The following WNT6 variants were observed in gnomAD, a reference collection of about 807,000 sequenced individuals.
The protein encoded by WNT6 is Wnt family member 6, also known as protein Wnt-6.
In WNT6, 27 loss-of-function variants were observed where a neutral mutation model predicts 33.1. The observed-to-expected ratio is 0.82, with a 90% CI of 0.60 to 1.12. The LOEUF (loss-of-function observed/expected upper bound fraction) is 1.12, where lower values mean the gene tolerates loss of function less well. Among genes scored for constraint, WNT6 ranks in the 50% most tolerant of loss-of-function variants. The probability of loss-of-function intolerance (pLI) is 0.00; values close to 1 mark genes in which losing one functional copy is unlikely to be tolerated. For missense variants in WNT6, 494 were observed against 535.3 expected, an observed-to-expected ratio of 0.92 and a Z score of 0.76; for synonymous variants, 249 against 242.8, an observed-to-expected ratio of 1.03 and a Z score of -0.24.
chr2:218,864,384 T>C (rs1044202838), intron 1 of WNT6, among the ~76,000 whole-genome samples: 2 of 152,076 alleles, frequency 1.3e-5, no homozygotes, highest in Non-Finnish European at 2.9e-5. Context: ...CTCAGCCTCC[T>C]GATTAGCCGG....
At chr2:218,868,998 T>C (rs1033520343) in intron 1 of WNT6, among the ~76,000 whole-genome samples, 2 of 152,140 alleles carry the variant, frequency 1.3e-5, no homozygotes, top group Non-Finnish European at 2.9e-5. Flanking sequence ...GATGGATCAA[T>C]AGAGACCGAT....
chr2:218,860,953 A>G (rs946462874), intron 1 of WNT6, among the ~76,000 whole-genome samples: 1 of 148,312 alleles, frequency 6.7e-6, no homozygotes, highest in East Asian at 2.3e-4. Context: ...TCCAGATCCA[A>G]AGGACTTTTT....
intron 1 of WNT6, among the ~76,000 whole-genome samples, chr2:218,861,393 G>A (rs2106001378): frequency 6.6e-6 from 1 of 152,190 alleles, no homozygotes; most frequent in East Asian, 1.9e-4. Context: ...TGTGATCTTG[G>A]GCTAGTCACT....
chr2:218,870,178 G>A (rs1004881621), intron 1 of WNT6, among the ~76,000 whole-genome samples: 2 of 149,864 alleles, frequency 1.3e-5, no homozygotes, highest in Non-Finnish European at 3.0e-5. Flanking sequence ...CTGGGAGCCC[G>A]CCACTGCACT....
chr2:218,860,022 C>T lies in WNT6; in HGVS notation c.-16C>T. 6.8e-7 allele frequency: 1 copy of T among 1,476,674 alleles called. No individual in the cohort carries two copies. The highest frequency in any genetic ancestry group is 8.9e-7 in the Non-Finnish European group (1 of 1,117,928). 91.5% of individuals were successfully genotyped at this position (1,476,674 alleles called of 1,614,324 possible). A position where few individuals can be genotyped will look rare whatever the true frequency, so the allele number is the denominator to read the frequency against. On this transcript the variant is annotated 5_prime_UTR_variant, in exon 1 of 4. Transcript: ENST00000233948. The stretch of plus-strand genomic sequence containing the variant: ...CCTCGCCCCCTGCCCACCCGGGCGG[C>T]CGTAGGGCGGTCACGATGCTGCCGC...
At chr2:218,866,206 G>C (rs1944353342) in intron 1 of WNT6, among the ~76,000 whole-genome samples, 1 of 152,274 alleles carries the variant, frequency 6.6e-6, no homozygotes, top group South Asian at 2.1e-4. Context: ...CTGCTGGCTT[G>C]TGGGAGGTGG....
Position 218,873,557 on chromosome 2 carries a change from G to T in WNT6, c.810G>T (p.Leu270=). Residue 270 remains leucine (L), a synonymous_variant, in exon 4 of 4, where the codon CTG becomes CTT. Transcript: ENST00000233948. This position sits in a 1 kb window ranked among gnomAD's most constrained non-coding sequence, Gnocchi z 6.1. ...GCACCAACGACGGCAAGGCCCTGCT[G>T]CCCGCCGTCCGCACGCTCAAGCCGC... ...VMGTNDGKAL[L]PAVRTLKPPG... 2 of 1,537,686 alleles carry T rather than the reference G, an allele frequency of 1.3e-6. No homozygotes were observed. Among genetic ancestry groups the T allele is most frequent in the Non-Finnish European group, 1.7e-6 (2 of 1,145,904 alleles).
chr2:218,869,560 C>T (rs1413743780), intron 1 of WNT6, among the ~76,000 whole-genome samples: 1 of 152,166 alleles, frequency 6.6e-6, no homozygotes, highest in Non-Finnish European at 1.5e-5. Context: ...TCCTGGGACC[C>T]CTACCCCCAC....
Position 218,859,889 on chromosome 2 carries a change from A to C in WNT6, c.-149A>C. Reference sequence around the variant, plus strand: ...CTCCGCCGCGCCCTCCTCGCCCGGGATGGGCCCCCCCGCCGCCGCCGGATC... The same window carrying C: ...CTCCGCCGCGCCCTCCTCGCCCGGGCTGGGCCCCCCCGCCGCCGCCGGATC... On this transcript the variant is annotated 5_prime_UTR_variant, in exon 1 of 4. The change abolishes an upstream ATG in the 5' untranslated region. Coordinates refer to ENST00000233948, the MANE Select transcript of WNT6 (RefSeq NM_006522.4). 2 of 407,186 alleles carry C rather than the reference A, an allele frequency of 4.9e-6. No homozygotes were observed. Among genetic ancestry groups the C allele is most frequent in the Non-Finnish European group, 7.0e-6 (2 of 285,036 alleles). 25.2% of individuals were successfully genotyped at this position (407,186 alleles called of 1,614,324 possible). A position where few individuals can be genotyped will look rare whatever the true frequency, so the allele number is the denominator to read the frequency against.
rs1030399632 is a variant in WNT6, at chr2:218,867,515, G to A, written c.81-3512G>A. On this transcript the variant is annotated intron_variant, in intron 1 of 3. Transcript: ENST00000233948. This position sits in a 1 kb window ranked among gnomAD's most constrained non-coding sequence, Gnocchi z 4.9. ...CCTTGGTAGAGAGACCTTGGCGCAG[G>A]CCAAGCCGGTTAGAATGACCATCCA... 5.3e-5 allele frequency among the ~76,000 whole-genome samples: 8 copies of A among 152,230 alleles called. No homozygotes were observed. Among genetic ancestry groups the A allele is most frequent in the Non-Finnish European group, 8.8e-5 (6 of 68,042 alleles).
In WNT6 at chr2:218,867,668, T is replaced by C. The variant is rs1345030518; in HGVS notation, c.81-3359T>C. ...TATTGTGTATTCCCTACTACCACTG[T>C]GCTTCAGGCCCCAAAACATGCAAAT... On this transcript the variant is annotated intron_variant, in intron 1 of 3. Transcript: ENST00000233948. This position sits in a 1 kb window ranked among gnomAD's most constrained non-coding sequence, Gnocchi z 4.9. Among the ~76,000 whole-genome samples, 1 of 152,234 alleles carries C rather than the reference T, an allele frequency of 6.6e-6. No homozygotes were observed. Among genetic ancestry groups the C allele is most frequent in the Non-Finnish European group, 1.5e-5 (1 of 68,040 alleles).
intron 1 of WNT6, among the ~76,000 whole-genome samples, chr2:218,863,348 C>T (rs925326175): frequency 6.6e-6 from 1 of 152,184 alleles, no homozygotes; most frequent in African/African-American, 2.4e-5. Context: ...CAGCAGCCTC[C>T]TGCATCCCAC....
chr2:218,866,304 G>A (rs1016417469), intron 1 of WNT6, among the ~76,000 whole-genome samples: 1 of 152,150 alleles, frequency 6.6e-6, no homozygotes, highest in Non-Finnish European at 1.5e-5. Context: ...GTAGCCAGTG[G>A]GCTGTGATCC....
chr2:218,872,828 C>G (rs1435945706), intron 3 of WNT6, among the ~76,000 whole-genome samples: 2 of 152,122 alleles, frequency 1.3e-5, no homozygotes, highest in Non-Finnish European at 2.9e-5. Flanking sequence ...ATACCGTGTC[C>G]TCTAGGGTTC....
At chr2:218,864,519 A>G (rs374589931) in intron 1 of WNT6, among the ~76,000 whole-genome samples, 1 of 152,090 alleles carries the variant, frequency 6.6e-6, no homozygotes, top group South Asian at 2.1e-4. Flanking sequence ...TGCGTGCCTC[A>G]GCTTCCCAAA....
chr2:218,873,358 T>G lies in WNT6; in HGVS notation c.637-26T>G, dbSNP rs958514139. 1 of 1,529,196 alleles carries G rather than the reference T, an allele frequency of 6.5e-7. No individual in the cohort carries two copies. Among genetic ancestry groups the G allele is most frequent in the Non-Finnish European group, 8.7e-7 (1 of 1,143,276 alleles). The allele number at this position is 1,529,196 out of a possible 1,614,324, so 94.7% of individuals were successfully genotyped here. The stretch of plus-strand genomic sequence containing the variant: ...TCCCTGCACCCCCTACCTGTCCACA[T>G]GCGTCCGCCCCTCTGCCTCCCGCAG... On this transcript the variant is annotated intron_variant, in intron 3 of 3. Transcript: ENST00000233948. The surrounding 1 kb of genome is among the most constrained non-coding windows in gnomAD (Gnocchi z 6.1).
chr2:218,873,452 C>A lies in WNT6; in HGVS notation c.705C>A (p.Thr235=). The A allele has an allele frequency of 1.3e-6, 2 of 1,538,694 alleles. No individual in the cohort carries two copies. Among genetic ancestry groups the A allele is most frequent in the Non-Finnish European group, 1.7e-6 (2 of 1,146,664 alleles). Residue 235 remains threonine, a synonymous_variant, in exon 4 of 4, where the codon ACC becomes ACA. Transcript: ENST00000233948. This position sits in a 1 kb window ranked among gnomAD's most constrained non-coding sequence, Gnocchi z 6.1. ...HGLSGSCALR[T]CWQKLPPFRE... is the part of the protein sequence containing the mutation. ...TGTCGGGATCATGCGCGCTGCGCAC[C>A]TGCTGGCAGAAGCTGCCTCCATTTC...
chr2:218,860,019 C>A lies in WNT6; in HGVS notation c.-19C>A, dbSNP rs1217134130. On this transcript the variant is annotated 5_prime_UTR_variant, in exon 1 of 4. Coordinates refer to ENST00000233948, the MANE Select transcript of WNT6 (RefSeq NM_006522.4). ...CAGCCTCGCCCCCTGCCCACCCGGG[C>A]GGCCGTAGGGCGGTCACGATGCTGC... 8 of 1,432,822 alleles carry A rather than the reference C, an allele frequency of 5.6e-6. No individual in the cohort carries two copies. The highest frequency in any genetic ancestry group is 1.5e-5 in the African/African-American group (1 of 67,770). 88.8% of individuals were successfully genotyped at this position (1,432,822 alleles called of 1,614,324 possible).
In WNT6 at chr2:218,859,935, C is replaced by T. The variant is rs1182559282; in HGVS notation, c.-103C>T. ...GGATCCCTCGCCTCCCGGCCGCCGC[C>T]GTTGCGCTCGCCGCGCTCGCACTGA... On this transcript the variant is annotated 5_prime_UTR_variant, in exon 1 of 4. Transcript: ENST00000233948. 2 of 1,002,214 alleles carry T rather than the reference C, an allele frequency of 2.0e-6. No individual in the cohort carries two copies. The highest frequency in any genetic ancestry group is 1.2e-6 in the Non-Finnish European group (1 of 801,096). 62.1% of individuals were successfully genotyped at this position (1,002,214 alleles called of 1,614,324 possible). A position where few individuals can be genotyped will look rare whatever the true frequency, so the allele number is the denominator to read the frequency against.
Sources: allele counts gnomAD v4.1 joint callset (sites outside exome capture counted in the v4.1 genomes callset), GRCh38; gene constraint gnomAD v4.1.1; non-coding constraint Gnocchi (gnomAD v3.1); transcripts MANE v1.5; gene names NCBI Gene and HGNC (gene_info 2026-07-23, HGNC 2026-07-21).